Variants in ATP8A2 observed in about 807,000 individuals in gnomAD.
ATP8A2 encodes the protein ATPase phospholipid transporting 8A2, also known as phospholipid-transporting ATPase IB.
Under a neutral mutation model 165.6 loss-of-function variants are expected in ATP8A2, and 100 were observed. The observed-to-expected ratio is 0.60, with a 90% CI of 0.51 to 0.71. The LOEUF (loss-of-function observed/expected upper bound fraction) is 0.71, where lower values mean the gene tolerates loss of function less well. Among genes scored for constraint, ATP8A2 ranks in the 30% least tolerant of loss-of-function variants. The pLI is 0.00. For synonymous variants in ATP8A2, 543 were observed against 548.8 expected (o/e 0.99, Z 0.15); for missense variants, 1,227 against 1,479.5 (o/e 0.83, Z 2.80).
At position 26,016,410 on chromosome 13, in the gene ATP8A2, A is replaced by G. The variant is rs568735943; in HGVS notation, c.3470-3478A>G. On this transcript the variant is annotated intron_variant, in intron 36 of 36. Coordinates refer to ENST00000381655, the MANE Select transcript of ATP8A2 (RefSeq NM_016529.6). ...AGAGGGGCCAAATCATCCCGCTGCAATCCCATGGGAGGCCCTTGTGGCCAT... is the reference window on the plus strand; with the variant it reads ...AGAGGGGCCAAATCATCCCGCTGCAGTCCCATGGGAGGCCCTTGTGGCCAT... Among the ~76,000 whole-genome samples the G allele has an allele frequency of 9.3e-4, 141 of 152,308 alleles. 1 individual carries two copies. The highest frequency in any genetic ancestry group is 3.1e-3 in the African/African-American group (130 of 41,570).
At chr13:25,625,423 A>C (rs138089343) in intron 24 of ATP8A2, among the ~76,000 whole-genome samples, 1 of 152,218 alleles carries the variant, frequency 6.6e-6, no homozygotes, top group Admixed American at 6.5e-5. Flanking sequence ...TACAAGTGCT[A>C]CTATAGTGAT....
chr13:25,588,645 A>G lies in ATP8A2; in HGVS notation c.2147-990A>G, dbSNP rs147115559. On this transcript the variant is annotated intron_variant, in intron 23 of 36. Transcript: ENST00000381655. ...TTCCCTTTTCTATAATCCTTAATCC[A>G]TTATCTTAAGGTGCTGAGACAAAAC... 1.5e-3 allele frequency among the ~76,000 whole-genome samples: 233 copies of G among 152,302 alleles called. 2 individuals carry two copies. The highest frequency in any genetic ancestry group is 5.3e-3 in the African/African-American group (219 of 41,572).
chr13:25,718,047 A>AT (rs1447341531), intron 25 of ATP8A2, among the ~76,000 whole-genome samples: 1 of 152,190 alleles, frequency 6.6e-6, no homozygotes, highest in African/African-American at 2.4e-5. Flanking sequence ...GGGTCTGGGC[A>AT]TGGTGTGTGT....
chr13:25,442,151 A>G (rs946791411), intron 1 of ATP8A2, among the ~76,000 whole-genome samples: 2 of 152,202 alleles, frequency 1.3e-5, no homozygotes, highest in African/African-American at 4.8e-5. Flanking sequence ...TAAGCAAACC[A>G]ACTTGGGTTG....
chr13:25,765,519 T>A (rs1417452742), intron 25 of ATP8A2, among the ~76,000 whole-genome samples: 2 of 152,192 alleles, frequency 1.3e-5, no homozygotes, highest in Non-Finnish European at 2.9e-5. Flanking sequence ...GTTGGACATC[T>A]GTTTTGAACC....
At chr13:25,383,624 G>A (rs570826505) in intron 1 of ATP8A2, among the ~76,000 whole-genome samples, 5 of 152,034 alleles carry the variant, frequency 3.3e-5, no homozygotes, top group South Asian at 4.1e-4. Context: ...TACTTCTGGC[G>A]TTTCAAGGTA....
Position 25,621,587 on chromosome 13 carries a change from G to C in ATP8A2, c.2211+31888G>C, listed in dbSNP as rs186670911. Among the ~76,000 whole-genome samples, 4 of 152,176 alleles carry C rather than the reference G, an allele frequency of 2.6e-5. No homozygotes were observed. In the East Asian group the frequency reaches 7.7e-4, roughly 29 times the overall value. On this transcript the variant is annotated intron_variant, in intron 24 of 36. Transcript: ENST00000381655. ...CTCATTTTTCTTCACTCCAGCTAAT[G>C]CTGACATTTACCAAATCCAGTCCTG...
chr13:25,707,499 A>G (rs1307914468), intron 25 of ATP8A2, among the ~76,000 whole-genome samples: 1 of 152,206 alleles, frequency 6.6e-6, no homozygotes, highest in African/African-American at 2.4e-5. Flanking sequence ...TAATAAAACA[A>G]TTTGGTGGGG....
At chr13:25,590,022 A>G (rs1380839001) in intron 24 of ATP8A2, among the ~76,000 whole-genome samples, 4 of 152,232 alleles carry the variant, frequency 2.6e-5, no homozygotes, top group Admixed American at 6.5e-5. Context: ...ACCTACATTA[A>G]ATGGTGATGG....
At chr13:25,640,995 G>T (rs2041505249) in intron 24 of ATP8A2, among the ~76,000 whole-genome samples, 1 of 152,114 alleles carries the variant, frequency 6.6e-6, no homozygotes, top group Admixed American at 6.6e-5. Context: ...CAGAACCAAA[G>T]ACAAAAACCA....
intron 2 of ATP8A2, among the ~76,000 whole-genome samples, chr13:25,528,992 A>G (rs1055048684): frequency 5.9e-5 from 9 of 151,886 alleles, no homozygotes; most frequent in Admixed American, 3.3e-4. Context: ...CCACCCCACA[A>G]TAGGCCCCAG....
Position 25,699,316 on chromosome 13 carries a change from A to C in ATP8A2, c.2355A>C (p.Ala785=). 6.2e-7 allele frequency: 1 copy of C among 1,613,258 alleles called. No homozygotes were observed. The highest frequency in any genetic ancestry group is 1.3e-5 in the African/African-American group (1 of 74,962). The change falls in exon 25 of 37, where the codon GCA becomes GCC. Residue 785 remains alanine (A), a synonymous_variant. Transcript: ENST00000381655. ...TCCGGAGGAGTTTCCTGGATTTGGC[A>C]CTCTCGTGCAAAGCGGTCATATGCT... ...FEVRRSFLDL[A]LSCKAVICCR... is the part of the protein sequence containing the mutation.
intron 36 of ATP8A2, among the ~76,000 whole-genome samples, chr13:26,015,193 T>A (rs1956941048): frequency 6.6e-6 from 1 of 152,178 alleles, no homozygotes; most frequent in African/African-American, 2.4e-5. Context: ...CACACCACAT[T>A]TTTTAAACAT....
At chr13:25,735,806 T>A (rs2043755320) in intron 25 of ATP8A2, among the ~76,000 whole-genome samples, 1 of 152,142 alleles carries the variant, frequency 6.6e-6, no homozygotes, top group African/African-American at 2.4e-5. Context: ...AATACTTTAT[T>A]TTTCATAAAT....
chr13:25,432,923 G>A (rs1169584116), intron 1 of ATP8A2, among the ~76,000 whole-genome samples: 1 of 152,238 alleles, frequency 6.6e-6, no homozygotes, highest in Non-Finnish European at 1.5e-5. Context: ...TGTCTAAAGA[G>A]ACACAGCCAC....
intron 25 of ATP8A2, among the ~76,000 whole-genome samples, chr13:25,742,361 AATATAC>A (rs2043932626): frequency 6.6e-6 from 1 of 151,934 alleles, no homozygotes; most frequent in African/African-American, 2.4e-5. Flanking sequence ...CATATGAGAT[AATATAC>A]ATATATAAAG....
chr13:25,963,402 A>AG (rs1955706391), intron 34 of ATP8A2, among the ~76,000 whole-genome samples: 2 of 142,912 alleles, frequency 1.4e-5, no homozygotes. Context: ...TCAAAAAAAA[A>AG]AAAAAAAAGA....
chr13:25,451,852 G>GTTT lies in ATP8A2; in HGVS notation c.77-17115_77-17113dup, dbSNP rs67427237. 1.9e-3 allele frequency among the ~76,000 whole-genome samples: 277 copies of GTTT among 146,792 alleles called. 1 individual carries two copies. The highest frequency in any genetic ancestry group is 3.4e-3 in the South Asian group (16 of 4,642). ...TCCTAAAAGCAAATATACCTTCATGGTTTTTTTTTTTTCTTTTTTTGAGAT... is the reference window on the plus strand; with the variant it reads ...TCCTAAAAGCAAATATACCTTCATGGTTTTTTTTTTTTTTTCTTTTTTTGAGAT... On this transcript the variant is annotated intron_variant, in intron 1 of 36. Transcript: ENST00000381655.
intron 33 of ATP8A2, among the ~76,000 whole-genome samples, chr13:25,909,227 C>G (rs917797308): frequency 2.0e-5 from 3 of 152,088 alleles, no homozygotes; most frequent in African/African-American, 7.2e-5. Context: ...ACCTGCTACT[C>G]TAGTCAACAA....
Sources: allele counts gnomAD v4.1 joint callset (sites outside exome capture counted in the v4.1 genomes callset), GRCh38; gene constraint gnomAD v4.1.1; transcripts MANE v1.5; gene names NCBI Gene and HGNC (gene_info 2026-07-23, HGNC 2026-07-21).